Variants in MUC4 observed in about 807,000 individuals in gnomAD.
The protein encoded by MUC4 is mucin 4, cell surface associated, also known as mucin-4.
A neutral mutation model predicts 257.9 loss-of-function variants in MUC4; 202 were observed. The ratio of observed to expected loss-of-function variants is 0.78; its 90% CI spans 0.70 to 0.88. The LOEUF (loss-of-function observed/expected upper bound fraction) is 0.88. Ranked by LOEUF, MUC4 falls within the 40% of genes least tolerant of loss-of-function variation. The pLI is 0.00. For missense variants in MUC4, 5,976 were observed against 6,513.7 expected, an observed-to-expected ratio of 0.92 and a Z score of 2.84; for synonymous variants, 2,351 against 2,757.1, an observed-to-expected ratio of 0.85 and a Z score of 4.62.
intron 8 of MUC4, 22 bp downstream of exon 8, chr3:195,766,641 T>A: frequency 6.2e-7 from 1 of 1,608,760 alleles, no homozygotes; most frequent in Non-Finnish European, 8.5e-7. Context: ...CCAGCTCAGG[T>A]GTGATAAGGT....
intron 12 of MUC4, 60 bp downstream of exon 12, chr3:195,763,373 T>C: frequency 7.3e-7 from 1 of 1,373,802 alleles, no homozygotes; most frequent in South Asian, 1.8e-5. Context: ...TCGGCCTCAG[T>C]ATGTGGCTGA....
Position 195,747,294 on chromosome 3 carries a change from A to C in MUC4, c.16121T>G (p.Phe5374Cys), listed in dbSNP as rs1259565309. ...CAGCAAGAGGCCGCCCAGGGCCCCA[A>C]AGAAGATGCCGAAGAACGCGTCGAG... ...MKLDAFFGIF[F>C]GALGGLLLLG... Residue 5374 changes from phenylalanine to cysteine, a missense_variant, in exon 25 of 25, where the codon TTT becomes TGT. By Grantham distance (205) the Phe-to-Cys change is radical (BLOSUM62 -2). Transcript: ENST00000463781. 2 of 1,614,058 alleles carry C rather than the reference A, an allele frequency of 1.2e-6. No individual in the cohort carries two copies. Among genetic ancestry groups the C allele is most frequent in the African/African-American group, 2.7e-5 (2 of 74,954 alleles).
chr3:195,754,421 G>A, intron 18 of MUC4, 49 bp from the exon 19 acceptor site: 2 of 1,563,714 alleles, frequency 1.3e-6, no homozygotes, highest in Non-Finnish European at 1.7e-6. Flanking sequence ...AAACTGGGAA[G>A]GGCTTCTGGG....
In MUC4 at chr3:195,788,691, A is replaced by C. The variant is rs187758580; in HGVS notation, c.2889T>G (p.Gly963=). 6.9e-6 allele frequency: 11 copies of C among 1,604,358 alleles called. No homozygotes were observed. The highest frequency in any genetic ancestry group is 1.1e-5 in the South Asian group (1 of 90,872). ...TGATGAGGGCCGTGGTGAAGGTTTT[A>C]CCAGACCCTGAAGGTGACAGAGTGT... ...ETHTLSPSGS[G]KTFTTALISN... is the part of the protein sequence containing the mutation. The change falls in exon 2 of 25, where the codon GGT becomes GGG. Residue 963 remains glycine (G), a synonymous_variant. Coordinates refer to ENST00000463781, the MANE Select transcript of MUC4 (RefSeq NM_018406.7).
At position 195,785,467 on chromosome 3, in the gene MUC4, G is replaced by GGGC. The variant is rs1731184196; in HGVS notation, c.6112_6113insGCC (p.Thr2038delinsSerPro). 1 of 1,516,084 alleles carries GGGC rather than the reference G, an allele frequency of 6.6e-7. No individual in the cohort carries two copies. Among genetic ancestry groups the GGGC allele is most frequent in the East Asian group, 2.5e-5 (1 of 39,898 alleles). The allele number at this position is 1,516,084 out of a possible 1,614,324, so 93.9% of individuals were successfully genotyped here. A position where few individuals can be genotyped will look rare whatever the true frequency, so the allele number is the denominator to read the frequency against. ...GTCCTGACCTGTGGATGCTGAGGAA[G>GGGC]TATCGGTGACAGGAAGCGGCGTGGT... On this transcript the variant is annotated protein_altering_variant, in exon 2 of 25. Transcript: ENST00000463781.
rs376767009 is a variant in MUC4 at position 195,770,219 on chromosome 3, G to C, written c.13395C>G (p.Leu4465=). 35 of 1,605,730 alleles carry C rather than the reference G, an allele frequency of 2.2e-5. No individual in the cohort carries two copies. In the African/African-American group the frequency reaches 3.2e-4, roughly 15 times the overall value. Residue 4465 remains leucine (L), a synonymous_variant, in exon 6 of 25, where the codon CTC becomes CTG. Coordinates refer to ENST00000463781, the MANE Select transcript of MUC4 (RefSeq NM_018406.7). ...AGCTGCCCAGGGGTCTACTCACCCC[G>C]AGGGTCCACTGGGCAGGATAGGCGT... ...NAHAYPAQWT[L]GSNTYQAILS... is the part of the protein sequence containing the mutation.
At position 195,770,315 on chromosome 3, in the gene MUC4, C is replaced by A. The variant is rs1163964112; in HGVS notation, c.13299G>T (p.Trp4433Cys). The A allele has an allele frequency of 6.2e-7, 1 of 1,614,078 alleles. No individual in the cohort carries two copies. Among genetic ancestry groups the A allele is most frequent in the East Asian group, 2.2e-5 (1 of 44,874 alleles). The part of the protein sequence containing the change: ...HSLLVQQAES[W>C]IRKMTNNGGY... The stretch of plus-strand genomic sequence containing the variant: ...CCCCGTTGTTTGTCATCTTTCTAAT[C>A]CAAGACTCGGCCTGCTGGACTAGCA... Residue 4433 changes from tryptophan (W) to cysteine (C), a missense_variant, in exon 6 of 25, where the codon TGG (tryptophan) becomes TGT (cysteine). Physicochemically the swap from Trp to Cys is radical, Grantham distance 215 (BLOSUM62 -2). This residue lies in a region of MUC4 where 996 missense variants were observed against 1,137.3 expected (regional missense o/e 0.88). Coordinates refer to ENST00000463781, the MANE Select transcript of MUC4 (RefSeq NM_018406.7).
chr3:195,790,494 A>C lies in MUC4; in HGVS notation c.1086T>G (p.Ser362Arg). The change falls in exon 2 of 25, where the codon AGT (serine) becomes AGG (arginine). Residue 362 changes from serine (S) to arginine (R), a missense_variant. Around this residue, in one of 44 missense-constraint regions of MUC4, gnomAD observed 1,583 missense variants for 1,257.4 expected, o/e 1.26. Coordinates refer to ENST00000463781, the MANE Select transcript of MUC4 (RefSeq NM_018406.7). Reference sequence around the variant, plus strand: ...GGAATGTCTCCTGAGAAACTGTTCCACTTGGGTTGAATCCACTTGGTGAGG... The same window carrying C: ...GGAATGTCTCCTGAGAAACTGTTCCCCTTGGGTTGAATCCACTTGGTGAGG... ...VLSSPSGFNP[S>R]GTVSQETFPS... The C allele has an allele frequency of 6.2e-7, 1 of 1,614,024 alleles. No individual in the cohort carries two copies. Among genetic ancestry groups the C allele is most frequent in the South Asian group, 1.1e-5 (1 of 91,076 alleles).
At chr3:195,769,370 C>T in intron 6 of MUC4, 1 of 567,922 alleles carries the variant, frequency 1.8e-6, no homozygotes, top group Non-Finnish European at 3.0e-6. Flanking sequence ...GGTGGATTTG[C>T]CTTTTGGTGA....
chr3:195,771,179 G>A (rs1188073391), intron 5 of MUC4, among the ~76,000 whole-genome samples: 1 of 123,578 alleles, frequency 8.1e-6, no homozygotes, highest in Non-Finnish European at 1.7e-5. Flanking sequence ...TCTCGTGGTT[G>A]GGTTGGGGTA....
chr3:195,795,668 C>T (rs1223995108), intron 1 of MUC4, among the ~76,000 whole-genome samples: 2 of 151,158 alleles, frequency 1.3e-5, no homozygotes, highest in African/African-American at 4.9e-5. Flanking sequence ...AAGCTGGAAC[C>T]GCCAGCAAAA....
Position 195,758,573 on chromosome 3 carries a change from C to CTTTTTTTTTTTTTTTT in MUC4, c.14986+550_14986+551insAAAAAAAAAAAAAAAA, listed in dbSNP as rs55860315. On this transcript the variant is annotated intron_variant, in intron 17 of 24. Coordinates refer to ENST00000463781, the MANE Select transcript of MUC4 (RefSeq NM_018406.7). ...GATTGAGATTAAATGATCTTCAAAT[C>CTTTTTTTTTTTTTTTT]TTTTTTTTGAGACAGAGTCTCGCTC... Among the ~76,000 whole-genome samples, 105 of 126,466 alleles carry CTTTTTTTTTTTTTTTT rather than the reference C, an allele frequency of 8.3e-4. 8 individuals carry two copies. Among genetic ancestry groups the CTTTTTTTTTTTTTTTT allele is most frequent in the African/African-American group, 2.3e-3 (74 of 32,104 alleles). 83.0% of individuals were successfully genotyped at this position (126,466 alleles called of 152,430 possible). A position where few individuals can be genotyped will look rare whatever the true frequency, so the allele number is the denominator to read the frequency against.
At position 195,780,197 on chromosome 3, in the gene MUC4, C is replaced by A. The variant is rs759368142; in HGVS notation, c.11383G>T (p.Val3795Phe). The A allele has an allele frequency of 1.5e-5, 22 of 1,475,666 alleles. No homozygotes were observed. The highest frequency in any genetic ancestry group is 2.5e-5 in the East Asian group (1 of 40,066). The allele number at this position is 1,475,666 out of a possible 1,614,324, so 91.4% of individuals were successfully genotyped here. Residue 3795 changes from valine to phenylalanine, a missense_variant, in exon 2 of 25, where the codon GTC (valine) becomes TTC (phenylalanine). By Grantham distance (50) the Val-to-Phe change is conservative (BLOSUM62 -1). This residue lies in a region of MUC4 where 330 missense variants were observed against 262.0 expected (regional missense o/e 1.26). Transcript: ENST00000463781. ...ASTGDTTPLP[V>F]TDTSSASTGQ... Reference sequence around the variant, plus strand: ...GTGGATGCTGAGGAAGTGTCGGTGACAGGAAGAGGGGTGGTGTCACCTGTG... The same window carrying A: ...GTGGATGCTGAGGAAGTGTCGGTGAAAGGAAGAGGGGTGGTGTCACCTGTG...
Position 195,784,697 on chromosome 3 carries a change from A to T in MUC4, c.6883T>A (p.Ser2295Thr), listed in dbSNP as rs1370906979. The change falls in exon 2 of 25, where the codon TCC becomes ACC. Residue 2295 changes from serine to threonine, a missense_variant. Ser to Thr is a moderately conservative substitution (Grantham distance 58, BLOSUM62 1). Transcript: ENST00000463781. ...GTGGCGTGACCTGTGGATGCTGAGG[A>T]AGGGCTAGTGACAGGAAGAGGAGTG... The part of the protein sequence containing the change: ...DTTPLPVTSP[S>T]SASTGHATPL... The T allele has an allele frequency of 1.4e-6, 2 of 1,451,168 alleles. No individual in the cohort carries two copies. Among genetic ancestry groups the T allele is most frequent in the Non-Finnish European group, 9.1e-7 (1 of 1,096,028 alleles). The allele number at this position is 1,451,168 out of a possible 1,614,324, so 89.9% of individuals were successfully genotyped here. A position where few individuals can be genotyped will look rare whatever the true frequency, so the allele number is the denominator to read the frequency against.
intron 8 of MUC4, 84 bp downstream of exon 8, chr3:195,766,579 C>A: frequency 8.2e-6 from 10 of 1,214,326 alleles, no homozygotes; most frequent in Middle Eastern, 2.1e-4. Context: ...TAGGGAGGTG[C>A]CCTCTAGGAC....
intron 1 of MUC4, among the ~76,000 whole-genome samples, chr3:195,791,844 C>G (rs146735723): frequency 5.8e-4 from 88 of 152,302 alleles, no homozygotes; most frequent in African/African-American, 1.6e-3. Flanking sequence ...ACATCTACAA[C>G]CATCTGATCT....
Position 195,754,826 on chromosome 3 carries a change from CCATGT to C in MUC4, c.15169-459_15169-455del, listed in dbSNP as rs1717238018. 6.7e-5 allele frequency among the ~76,000 whole-genome samples: 5 copies of C among 74,594 alleles called. No homozygotes were observed. The South Asian group carries it at 2.0e-3, about 30-fold the overall frequency. The allele number at this position is 74,594 out of a possible 152,430, so 48.9% of individuals were successfully genotyped here. Reference sequence around the variant, plus strand: ...TGCATGTATGTATCCATGTGTGTATCCATGTGTGTATGTATCATGTATGTATCCAT... The same window carrying C: ...TGCATGTATGTATCCATGTGTGTATCGTGTATGTATCATGTATGTATCCAT... On this transcript the variant is annotated intron_variant, in intron 18 of 24. Transcript: ENST00000463781.
Position 195,790,726 on chromosome 3 carries a change from A to G in MUC4, c.854T>C (p.Val285Ala). 4 of 1,613,900 alleles carry G rather than the reference A, an allele frequency of 2.5e-6. No individual in the cohort carries two copies. Among genetic ancestry groups the G allele is most frequent in the Non-Finnish European group, 3.4e-6 (4 of 1,179,880 alleles). The stretch of plus-strand genomic sequence containing the variant: ...GGTGACTGGCATAAGACTTCCAGTA[A>G]CAGGTACTGATGATGTCTCCCCTGG... The part of the protein sequence containing the change: ...GNPGETSSVP[V>A]TGSLMPVTSA... Residue 285 changes from valine to alanine, a missense_variant, in exon 2 of 25, where the codon GTT (valine) becomes GCT (alanine). This residue lies in a region of MUC4 where 1,583 missense variants were observed against 1,257.4 expected (regional missense o/e 1.26). Transcript: ENST00000463781.
rs375241766 is a variant in MUC4, at chr3:195,811,711, C to T, written c.82+25G>A. 6.8e-6 allele frequency: 11 copies of T among 1,611,184 alleles called. No homozygotes were observed. The African/African-American group carries it at 1.1e-4, about 16-fold the overall frequency. Reference sequence around the variant, plus strand: ...CCCCCAAGTGCTCCCCGCAGCCAGCCTCATCTGCTGTCTCCATCACTTACC... The same window carrying T: ...CCCCCAAGTGCTCCCCGCAGCCAGCTTCATCTGCTGTCTCCATCACTTACC... On this transcript the variant is annotated intron_variant, in intron 1 of 24. Coordinates refer to ENST00000463781, the MANE Select transcript of MUC4 (RefSeq NM_018406.7).
Sources: allele counts gnomAD v4.1 joint callset (sites outside exome capture counted in the v4.1 genomes callset), GRCh38; gene constraint gnomAD v4.1.1; regional missense constraint gnomAD v4.1.1; transcripts MANE v1.5; gene names NCBI Gene and HGNC (gene_info 2026-07-23, HGNC 2026-07-21).